The following TTC7A variants were observed in gnomAD, a reference collection of about 807,000 sequenced individuals.
TTC7A encodes tetratricopeptide repeat domain 7A.
A neutral mutation model predicts 103.7 loss-of-function variants in TTC7A; 110 were observed. The ratio of observed to expected loss-of-function variants is 1.06; its 90% CI spans 0.91 to 1.24. TTC7A has a LOEUF of 1.24. Ranked by LOEUF, TTC7A falls within the 50% of genes most tolerant of loss-of-function variation. TTC7A has a pLI of 0.00. For missense variants in TTC7A, 1,340 were observed against 1,116.3 expected, an observed-to-expected ratio of 1.20 and a Z score of -2.86; for synonymous variants, 521 against 467.9, an observed-to-expected ratio of 1.11 and a Z score of -1.47.
intron 5 of TTC7A, among the ~76,000 whole-genome samples, chr2:46,992,727 C>T (rs1344968514): frequency 6.6e-6 from 1 of 152,166 alleles, no homozygotes; most frequent in Non-Finnish European, 1.5e-5. Context: ...AGTGGGAATG[C>T]AAGATCTATT....
intron 5 of TTC7A, among the ~76,000 whole-genome samples, chr2:46,980,828 A>G (rs1002771328): frequency 2.6e-5 from 4 of 152,242 alleles, no homozygotes; most frequent in Non-Finnish European, 2.9e-5. Context: ...TCTCAGATCC[A>G]TAAGTTGCCA....
At chr2:46,949,025 G>A (rs559178675) in intron 1 of TTC7A, among the ~76,000 whole-genome samples, 12 of 152,212 alleles carry the variant, frequency 7.9e-5, no homozygotes, top group Admixed American at 3.9e-4. Context: ...ATTGAATGGT[G>A]GGCCTGCTCC....
At chr2:46,948,109 G>A (rs1671089474) in intron 1 of TTC7A, among the ~76,000 whole-genome samples, 1 of 152,244 alleles carries the variant, frequency 6.6e-6, no homozygotes, top group Non-Finnish European at 1.5e-5. Context: ...GCCGTATCTG[G>A]TGGCACGGTG....
chr2:47,074,040 G>C lies in TTC7A; in HGVS notation c.*117G>C. 1 of 743,074 alleles carries C rather than the reference G, an allele frequency of 1.3e-6. No individual in the cohort carries two copies. Among genetic ancestry groups the C allele is most frequent in the East Asian group, 2.7e-5 (1 of 36,948 alleles). 46.0% of individuals were successfully genotyped at this position (743,074 alleles called of 1,614,324 possible). ...GGGGCCTCAGGGAAATACATCTTTA[G>C]TGAACGCCTCTGCAGCTGCAGCCCT... is the stretch of plus-strand genomic sequence containing the variant. On this transcript the variant is annotated 3_prime_UTR_variant, in exon 20 of 20. Transcript: ENST00000319190.
chr2:46,997,881 C>T (rs1373237697), intron 8 of TTC7A, among the ~76,000 whole-genome samples: 1 of 152,116 alleles, frequency 6.6e-6, no homozygotes, highest in Non-Finnish European at 1.5e-5. Context: ...AGATGCCTTT[C>T]AGTTAAGGCT....
chr2:47,017,983 A>G (rs752051894), intron 11 of TTC7A, among the ~76,000 whole-genome samples: 2 of 152,194 alleles, frequency 1.3e-5, no homozygotes, highest in Admixed American at 6.5e-5. Flanking sequence ...ATATACATAT[A>G]TATATGAACC....
chr2:46,973,438 C>A (rs563308132), intron 3 of TTC7A, among the ~76,000 whole-genome samples: 1 of 152,358 alleles, frequency 6.6e-6, no homozygotes, highest in East Asian at 1.9e-4. Context: ...ATTTATCCCC[C>A]GTCAGGGAGG....
rs1327278918 is a variant in TTC7A at position 46,941,916 on chromosome 2, C to T, written c.184+191C>T. On this transcript the variant is annotated intron_variant, in intron 1 of 19. Coordinates refer to ENST00000319190, the MANE Select transcript of TTC7A (RefSeq NM_020458.4). The surrounding 1 kb of genome is among the most constrained non-coding windows in gnomAD (Gnocchi z 4.2). Reference sequence around the variant, plus strand: ...AGAAAAATCACATGTGGTTTGGGGGCTTGGAGGGAAGAGAAACGGCTTTTG... The same window carrying T: ...AGAAAAATCACATGTGGTTTGGGGGTTTGGAGGGAAGAGAAACGGCTTTTG... The T allele has an allele frequency of 2.8e-6, 2 of 704,904 alleles. No individual in the cohort carries two copies. Among genetic ancestry groups the T allele is most frequent in the African/African-American group, 1.8e-5 (1 of 55,446 alleles). The allele number at this position is 704,904 out of a possible 1,614,324, so 43.7% of individuals were successfully genotyped here. A position where few individuals can be genotyped will look rare whatever the true frequency, so the allele number is the denominator to read the frequency against.
chr2:46,927,921 TCTCA>T (rs1367822517), intron 2 of TTC7A, among the ~76,000 whole-genome samples: 1 of 110,932 alleles, frequency 9.0e-6, no homozygotes, highest in Non-Finnish European at 1.7e-5. Flanking sequence ...TGAGACAGGG[TCTCA>T]CTCTGTCACC....
At chr2:47,001,521 T>C (rs1225598559) in intron 8 of TTC7A, among the ~76,000 whole-genome samples, 1 of 152,096 alleles carries the variant, frequency 6.6e-6, no homozygotes. Context: ...AGGGTTACTG[T>C]GAGGCCAGAT....
rs542469785 is a variant in TTC7A, at chr2:46,931,037, T to C, written c.82+13760T>C. 4.3e-4 allele frequency among the ~76,000 whole-genome samples: 65 copies of C among 152,354 alleles called. 1 individual carries two copies. In the South Asian group the frequency reaches 8.7e-3, roughly 20 times the overall value. On this transcript the variant is annotated intron_variant, in intron 2 of 20. Coordinates refer to the TTC7A transcript ENST00000409245. ...TACCAGAATTCTAAACAAAACATTT[T>C]ATTAGCAATTCAAATCAAACAATAT...
At chr2:46,956,682 G>T in intron 2 of TTC7A, 157 bp from the exon 3 acceptor site, 1 of 714,270 alleles carries the variant, frequency 1.4e-6, no homozygotes, top group Non-Finnish European at 2.4e-6. Context: ...TGAGAGCGGG[G>T]AGCTGTCGGC....
intron 14 of TTC7A, among the ~76,000 whole-genome samples, chr2:47,028,143 G>C (rs1033086808): frequency 2.0e-5 from 3 of 152,118 alleles, no homozygotes; most frequent in Non-Finnish European, 4.4e-5. Context: ...GCTGAGAATG[G>C]TCTCTTCAGG....
chr2:46,977,251 A>G (rs189373916), intron 4 of TTC7A, among the ~76,000 whole-genome samples: 1 of 152,332 alleles, frequency 6.6e-6, no homozygotes, highest in Non-Finnish European at 1.5e-5. Flanking sequence ...ATCTAAGTTG[A>G]GGGAGGGCAG....
chr2:46,932,332 A>G (rs1669748178), intron 2 of TTC7A, among the ~76,000 whole-genome samples: 1 of 152,110 alleles, frequency 6.6e-6, no homozygotes, highest in African/African-American at 2.4e-5. Context: ...TATTTTTAGT[A>G]GAGATGGGGT....
intron 5 of TTC7A, among the ~76,000 whole-genome samples, chr2:46,985,055 G>T (rs1674872297): frequency 6.6e-6 from 1 of 152,186 alleles, no homozygotes; most frequent in Non-Finnish European, 1.5e-5. Context: ...TCTGCACTCT[G>T]TGCTGAGGCC....
chr2:47,020,644 C>T lies in TTC7A; in HGVS notation c.1393-1218C>T, dbSNP rs919881. Among the ~76,000 whole-genome samples the T allele has an allele frequency of 3.5e-3, 530 of 152,364 alleles. 4 individuals carry two copies. The highest frequency in any genetic ancestry group is 0.012 in the African/African-American group (497 of 41,576). On this transcript the variant is annotated intron_variant, in intron 11 of 19. Coordinates refer to ENST00000319190, the MANE Select transcript of TTC7A (RefSeq NM_020458.4). ...ATGGTGGGCAGACAGCCTCTCCCGC[C>T]GTCTCCCTCCAGGCCATCATGCAGC...
intron 2 of TTC7A, chr2:46,917,292 C>T (rs751779330): frequency 2.7e-4 from 177 of 659,180 alleles, no homozygotes; most frequent in South Asian, 1.2e-3. Context: ...GCCACCGCGC[C>T]GGGACAAAGA....
chr2:46,941,453 C>T lies in TTC7A; in HGVS notation c.-89C>T. The T allele has an allele frequency of 1.4e-6, 2 of 1,411,422 alleles. No individual in the cohort carries two copies. The highest frequency in any genetic ancestry group is 1.9e-6 in the Non-Finnish European group (2 of 1,068,828). 87.4% of individuals were successfully genotyped at this position (1,411,422 alleles called of 1,614,324 possible). ...GCTGCCGTCTGCGCCCCCGTCGACC[C>T]CGCCCGCGAGTGCGCCCCAGCCAGG... is the stretch of plus-strand genomic sequence containing the variant. On this transcript the variant is annotated 5_prime_UTR_variant, in exon 1 of 20. Coordinates refer to ENST00000319190, the MANE Select transcript of TTC7A (RefSeq NM_020458.4). The surrounding 1 kb of genome is among the most constrained non-coding windows in gnomAD (Gnocchi z 4.2).
Sources: gnomAD v4.1 joint callset for allele counts (sites outside exome capture counted in the v4.1 genomes callset) on GRCh38, gnomAD v4.1.1 for gene constraint, Gnocchi (gnomAD v3.1) non-coding constraint, MANE v1.5 for transcripts, NCBI Gene and HGNC (gene_info 2026-07-23, HGNC 2026-07-21) for gene names.